CNTNAP4: variants seen among roughly 807,000 people sequenced by gnomAD.
CNTNAP4 encodes contactin associated protein family member 4, also known as contactin-associated protein-like 4.
In CNTNAP4, 98 loss-of-function variants were observed where a neutral mutation model predicts 148.4. The ratio of observed to expected loss-of-function variants is 0.66; its 90% confidence interval spans 0.56 to 0.78. The LOEUF (loss-of-function observed/expected upper bound fraction) is 0.78. Among genes scored for constraint, CNTNAP4 ranks in the 30% least tolerant of loss-of-function variants. The probability of loss-of-function intolerance (pLI) is 0.00; values close to 1 mark genes in which losing one functional copy is unlikely to be tolerated. For missense variants in CNTNAP4, 1,935 were observed against 1,565.6 expected (o/e 1.24, Z -3.98); for synonymous variants, 730 against 565.1 (o/e 1.29, Z -4.14).
chr16:76,281,323 G>A lies in CNTNAP4; in HGVS notation c.85+3576G>A, dbSNP rs184450836. On this transcript the variant is annotated intron_variant, in intron 1 of 23. Coordinates refer to ENST00000611870, the MANE Select transcript of CNTNAP4 (RefSeq NM_033401.5). ...TAATTCTATGAGGCAATGCATAAAT[G>A]GCTAGCCCCTATAAAGATCAGCACG... 8.5e-5 allele frequency among the ~76,000 whole-genome samples: 13 copies of A among 152,122 alleles called. No individual in the cohort carries two copies. In the East Asian group the frequency reaches 1.9e-3, roughly 23 times the overall value.
intron 8 of CNTNAP4, 28 bp from the exon 9 acceptor site, chr16:76,461,928 C>A (rs367824460): frequency 6.2e-7 from 1 of 1,606,218 alleles, no homozygotes. Context: ...CTATTGAGAG[C>A]GATCTCTAAC....
chr16:76,385,937 G>T (rs2016474345), intron 3 of CNTNAP4, among the ~76,000 whole-genome samples: 1 of 146,768 alleles, frequency 6.8e-6, no homozygotes, highest in Admixed American at 6.6e-5. Context: ...ATTTTAAACA[G>T]GGAAATCACC....
At chr16:76,400,374 T>C (rs998868531) in intron 3 of CNTNAP4, among the ~76,000 whole-genome samples, 2 of 152,224 alleles carry the variant, frequency 1.3e-5, no homozygotes, top group Admixed American at 6.5e-5. Context: ...TCCATAAATA[T>C]ATACAATTAT....
intron 1 of CNTNAP4, among the ~76,000 whole-genome samples, chr16:76,309,660 C>T (rs1024114574): frequency 2.6e-5 from 4 of 152,148 alleles, no homozygotes; most frequent in Non-Finnish European, 2.9e-5. Context: ...TTGGCTGTGT[C>T]CCCATTCAAA....
chr16:76,498,502 G>A, intron 14 of CNTNAP4, 65 bp from the exon 15 acceptor site: 1 of 1,449,686 alleles, frequency 6.9e-7, no homozygotes, highest in Non-Finnish European at 9.4e-7. Context: ...GAACATCTTG[G>A]TTTTGCAATG....
At chr16:76,501,733 C>T (rs77989320) in intron 15 of CNTNAP4, among the ~76,000 whole-genome samples, 25,153 of 152,066 alleles carry the variant, frequency 0.17, 2,674 homozygotes, top group Admixed American at 0.3. Flanking sequence ...GAGCTTTGAA[C>T]TACTGTGACC....
At chr16:76,306,945 A>G (rs927758179) in intron 1 of CNTNAP4, among the ~76,000 whole-genome samples, 1 of 152,202 alleles carries the variant, frequency 6.6e-6, no homozygotes, top group African/African-American at 2.4e-5. Flanking sequence ...GAAGTACCAG[A>G]GCAAGAATTT....
At chr16:76,365,656 G>A (rs899313718) in intron 3 of CNTNAP4, among the ~76,000 whole-genome samples, 2 of 150,802 alleles carry the variant, frequency 1.3e-5, no homozygotes, top group African/African-American at 4.9e-5. Context: ...CGAGGCTGAG[G>A]CAGGAGAATT....
At chr16:76,292,699 T>A (rs921258318) in intron 1 of CNTNAP4, among the ~76,000 whole-genome samples, 2 of 147,058 alleles carry the variant, frequency 1.4e-5, no homozygotes, top group Non-Finnish European at 2.9e-5. Context: ...GTCTTCCTTA[T>A]CAAAAATATT....
intron 1 of CNTNAP4, among the ~76,000 whole-genome samples, chr16:76,293,281 C>T (rs905649115): frequency 3.3e-5 from 5 of 152,158 alleles, no homozygotes; most frequent in East Asian, 1.9e-4. Flanking sequence ...TGTGCCATCA[C>T]GCCCAGCTAA....
chr16:76,542,004 T>A (rs1597114694), intron 21 of CNTNAP4, among the ~76,000 whole-genome samples: 1 of 152,336 alleles, frequency 6.6e-6, no homozygotes, highest in East Asian at 1.9e-4. Flanking sequence ...ATATAGCCAA[T>A]AACATATTTA....
intron 15 of CNTNAP4, among the ~76,000 whole-genome samples, chr16:76,519,845 G>A (rs1379430333): frequency 6.6e-6 from 1 of 152,150 alleles, no homozygotes; most frequent in Non-Finnish European, 1.5e-5. Flanking sequence ...ATTGACTTTT[G>A]AATCAGATCC....
Position 76,479,551 on chromosome 16 carries a change from G to GC in CNTNAP4, c.1882+14dup. On this transcript the variant is annotated intron_variant, in intron 12 of 23. Transcript: ENST00000611870. ...TGCAATATGACCGGTGAGTTAATCAGCTTTTATTTTACAGTTAAATTTGCA... is the reference window on the plus strand; with the variant it reads ...TGCAATATGACCGGTGAGTTAATCAGCCTTTTATTTTACAGTTAAATTTGCA... The GC allele has an allele frequency of 6.3e-7, 1 of 1,598,112 alleles. No homozygotes were observed. Among genetic ancestry groups the GC allele is most frequent in the Non-Finnish European group, 8.5e-7 (1 of 1,175,392 alleles).
intron 3 of CNTNAP4, among the ~76,000 whole-genome samples, chr16:76,359,084 A>G (rs1271608133): frequency 2.0e-5 from 3 of 152,268 alleles, no homozygotes; most frequent in South Asian, 2.1e-4. Context: ...GACCACTTCA[A>G]TTTGCATTTT....
chr16:76,349,233 C>G (rs1433259990), intron 2 of CNTNAP4, among the ~76,000 whole-genome samples: 2 of 152,112 alleles, frequency 1.3e-5, no homozygotes, highest in Non-Finnish European at 2.9e-5. Context: ...TGTATCTTAT[C>G]TTCTCAGCAT....
chr16:76,479,343 G>A, intron 11 of CNTNAP4, 76 bp from the exon 12 acceptor site: 3 of 1,284,594 alleles, frequency 2.3e-6, no homozygotes, highest in Non-Finnish European at 3.2e-6. Flanking sequence ...CAAGATTTGC[G>A]GTATTTCATG....
At chr16:76,540,978 G>A (rs931630721) in intron 21 of CNTNAP4, among the ~76,000 whole-genome samples, 188 bp downstream of exon 21, 1 of 152,136 alleles carries the variant, frequency 6.6e-6, no homozygotes, top group African/African-American at 2.4e-5. Context: ...CCTGTGTGAT[G>A]AGCAAGCATC....
chr16:76,521,458 C>A, intron 16 of CNTNAP4, 148 bp downstream of exon 16: 2 of 574,372 alleles, frequency 3.5e-6, no homozygotes, highest in East Asian at 3.1e-5. Flanking sequence ...TTAACTTATC[C>A]TGTTTGTAAG....
chr16:76,382,854 A>G (rs569622325), intron 3 of CNTNAP4, among the ~76,000 whole-genome samples: 1 of 152,314 alleles, frequency 6.6e-6, no homozygotes, highest in East Asian at 1.9e-4. Flanking sequence ...ACTTTATACC[A>G]GAAAACAAGT....
Sources: allele counts gnomAD v4.1 joint callset (sites outside exome capture counted in the v4.1 genomes callset), GRCh38; gene constraint gnomAD v4.1.1; transcripts MANE v1.5; gene names NCBI Gene and HGNC (gene_info 2026-07-23, HGNC 2026-07-21).